Variants in FRS2 observed in about 807,000 individuals in gnomAD.
The protein encoded by FRS2 is fibroblast growth factor receptor substrate 2.
FRS2 carries 8 observed loss-of-function variants against 43.9 expected under a neutral mutation model. The observed-to-expected ratio is 0.18, with a 90% confidence interval of 0.11 to 0.33. The LOEUF is 0.33. Ranked by LOEUF, FRS2 falls within the 10% of genes least tolerant of loss-of-function variation. The probability of loss-of-function intolerance (pLI) is 1.00; values close to 1 mark genes in which losing one functional copy is unlikely to be tolerated. For missense variants in FRS2, 534 were observed against 627.6 expected, an observed-to-expected ratio of 0.85 and a Z score of 1.59; for synonymous variants, 219 against 220.3, an observed-to-expected ratio of 0.99 and a Z score of 0.05.
chr12:69,500,411 G>A (rs1385813065), intron 1 of FRS2, among the ~76,000 whole-genome samples: 2 of 152,114 alleles, frequency 1.3e-5, no homozygotes, highest in African/African-American at 2.4e-5. Context: ...AATTGGCAGT[G>A]GGAATAGAGA....
chr12:69,538,490 A>G (rs1877559632), intron 3 of FRS2, among the ~76,000 whole-genome samples: 1 of 152,066 alleles, frequency 6.6e-6, no homozygotes, highest in African/African-American at 2.4e-5. Flanking sequence ...AAAATGATTC[A>G]TGCCTTTTTA....
At chr12:69,510,578 T>C (rs889455419) in intron 1 of FRS2, among the ~76,000 whole-genome samples, 3 of 152,170 alleles carry the variant, frequency 2.0e-5, no homozygotes, top group Non-Finnish European at 4.4e-5. Context: ...TAATGTCCAC[T>C]GAAAGCTGTG....
At chr12:69,522,867 G>A (rs1875826619) in intron 1 of FRS2, among the ~76,000 whole-genome samples, 1 of 152,114 alleles carries the variant, frequency 6.6e-6, no homozygotes, top group Non-Finnish European at 1.5e-5. Context: ...TTAAGGAGAA[G>A]GTTAATTTCC....
chr12:69,516,640 T>A (rs1875077546), intron 1 of FRS2, among the ~76,000 whole-genome samples: 1 of 152,218 alleles, frequency 6.6e-6, no homozygotes, highest in South Asian at 2.1e-4. Context: ...GTGATTTGTG[T>A]TCTGTTTAAA....
intron 1 of FRS2, among the ~76,000 whole-genome samples, chr12:69,500,977 T>TTAAA (rs1873386513): frequency 6.6e-6 from 1 of 152,224 alleles, no homozygotes. Context: ...TTTATGCTGA[T>TTAAA]TAAATCATTC....
chr12:69,518,843 C>T (rs1278953840), intron 1 of FRS2, among the ~76,000 whole-genome samples: 1 of 151,582 alleles, frequency 6.6e-6, no homozygotes, highest in Non-Finnish European at 1.5e-5. Flanking sequence ...GGAGAAACCC[C>T]ATCTCTACTA....
intron 3 of FRS2, among the ~76,000 whole-genome samples, chr12:69,558,556 G>T (rs1035218264): frequency 6.6e-6 from 1 of 152,128 alleles, no homozygotes; most frequent in African/African-American, 2.4e-5. Context: ...AGGTTTGGGG[G>T]GTTTTGCATG....
intron 1 of FRS2, among the ~76,000 whole-genome samples, chr12:69,476,891 A>AATTCT (rs1361867731): frequency 6.6e-6 from 1 of 152,176 alleles, no homozygotes; most frequent in Non-Finnish European, 1.5e-5. Context: ...GAAATATTTA[A>AATTCT]ATTCTATTAG....
intron 1 of FRS2, among the ~76,000 whole-genome samples, chr12:69,503,197 T>C (rs1873618030): frequency 6.6e-6 from 1 of 152,204 alleles, no homozygotes; most frequent in African/African-American, 2.4e-5. Flanking sequence ...TGGGAGCCAC[T>C]CTCAGCTTAT....
At chr12:69,520,331 A>G (rs1237145601) in intron 1 of FRS2, among the ~76,000 whole-genome samples, 1 of 147,374 alleles carries the variant, frequency 6.8e-6, no homozygotes, top group African/African-American at 2.5e-5. Flanking sequence ...TAGTTTGCAG[A>G]TATTTTCTCT....
At chr12:69,518,819 G>A (rs573403429) in intron 1 of FRS2, among the ~76,000 whole-genome samples, 2 of 151,944 alleles carry the variant, frequency 1.3e-5, no homozygotes, top group Middle Eastern at 3.4e-3. Context: ...GTTCGAGACT[G>A]GCCTGACAAA....
intron 1 of FRS2, among the ~76,000 whole-genome samples, chr12:69,512,439 C>T (rs1874550339): frequency 6.6e-6 from 1 of 152,198 alleles, no homozygotes; most frequent in East Asian, 1.9e-4. Context: ...CTTGTATGAA[C>T]TTTTTCCTTT....
intron 1 of FRS2, among the ~76,000 whole-genome samples, chr12:69,490,141 G>T (rs221093): frequency 0.78 from 119,362 of 152,062 alleles, 47,525 homozygotes; most frequent in East Asian, 0.92. Context: ...TTTTCCCCAT[G>T]TCAAGAATAT....
At chr12:69,517,415 G>A (rs977836472) in intron 1 of FRS2, among the ~76,000 whole-genome samples, 12 of 151,774 alleles carry the variant, frequency 7.9e-5, no homozygotes, top group African/African-American at 2.2e-4. Flanking sequence ...TGTGAAATTC[G>A]AAACACTTCT....
chr12:69,545,809 C>CAT (rs1406962200), intron 3 of FRS2, among the ~76,000 whole-genome samples: 7 of 147,370 alleles, frequency 4.7e-5, no homozygotes, highest in Non-Finnish European at 7.5e-5. Flanking sequence ...TAAACACTTG[C>CAT]ATATATGGTC....
intron 5 of FRS2, among the ~76,000 whole-genome samples, chr12:69,569,425 C>T (rs1372038856): frequency 6.6e-6 from 1 of 152,200 alleles, no homozygotes; most frequent in African/African-American, 2.4e-5. Flanking sequence ...GATTTCTTAA[C>T]TGGACTCTAC....
At chr12:69,506,376 A>G (rs1321393228) in intron 1 of FRS2, among the ~76,000 whole-genome samples, 1 of 152,070 alleles carries the variant, frequency 6.6e-6, no homozygotes, top group Non-Finnish European at 1.5e-5. Context: ...TTCATAAGCT[A>G]TAATTACTTT....
intron 1 of FRS2, among the ~76,000 whole-genome samples, chr12:69,512,566 A>AT (rs576091065): frequency 1.3e-4 from 19 of 151,928 alleles, no homozygotes; most frequent in Admixed American, 9.2e-4. Context: ...CCAGAAAAGA[A>AT]TTTTTTTTGT....
chr12:69,500,969 T>TA lies in FRS2; in HGVS notation c.-260-29895dup, dbSNP rs558485845. ...CACATTTTTGGAAGTTCTTTAAATT[T>TA]ATGCTGATTAAATCATTCTACTTTT... On this transcript the variant is annotated intron_variant, in intron 1 of 8. Transcript: ENST00000549921. Among the ~76,000 whole-genome samples, 197 of 152,340 alleles carry TA rather than the reference T, an allele frequency of 1.3e-3. 1 individual carries two copies. The highest frequency in any genetic ancestry group is 2.6e-3 in the Non-Finnish European group (175 of 68,030).
Sources: gnomAD v4.1 joint callset for allele counts (sites outside exome capture counted in the v4.1 genomes callset) on GRCh38, gnomAD v4.1.1 for gene constraint, MANE v1.5 for transcripts, NCBI Gene and HGNC (gene_info 2026-07-23, HGNC 2026-07-21) for gene names.